The following STOX2 variants were observed in gnomAD, a reference collection of about 807,000 sequenced individuals.
STOX2 encodes the protein storkhead box 2.
Under a neutral mutation model 60.9 loss-of-function variants are expected in STOX2, and 28 were observed. That is an observed-to-expected ratio of 0.46 (90% CI 0.34 to 0.63). STOX2 has a LOEUF of 0.63. Among genes scored for constraint, STOX2 ranks in the 30% least tolerant of loss-of-function variants. STOX2 has a pLI of 0.01. For missense variants in STOX2, 1,024 were observed against 1,187.7 expected, an observed-to-expected ratio of 0.86 and a Z score of 2.03; for synonymous variants, 472 against 463.9, an observed-to-expected ratio of 1.02 and a Z score of -0.22.
Position 184,023,078 on chromosome 4 carries a change from G to C in STOX2, c.*5794G>C, listed in dbSNP as rs1057457834. ...TGCATTAGGGTAAATGAATTAAGAC[G>C]TGCAAGTGGGATTTACTGTATGTTA... On this transcript the variant is annotated 3_prime_UTR_variant, in exon 4 of 4. Transcript: ENST00000308497. The C allele has an allele frequency of 6.6e-6, 1 of 152,164 alleles. No individual in the cohort carries two copies. The highest frequency in any genetic ancestry group is 2.4e-5 in the African/African-American group (1 of 41,440). The allele number at this position is 152,164 out of a possible 1,614,324, so 9.4% of individuals were successfully genotyped here.
intron 1 of STOX2, among the ~76,000 whole-genome samples, chr4:183,946,440 C>G (rs535993723): frequency 6.6e-6 from 1 of 151,992 alleles, no homozygotes; most frequent in African/African-American, 2.4e-5. Context: ...CCCATGGATA[C>G]CAAAATCTGA....
At chr4:183,968,671 T>G (rs925500780) in intron 1 of STOX2, among the ~76,000 whole-genome samples, 2 of 151,966 alleles carry the variant, frequency 1.3e-5, no homozygotes, top group Non-Finnish European at 2.9e-5. Context: ...CCGGACCACT[T>G]TGTGGCCCAA....
chr4:183,913,641 C>T lies in STOX2; in HGVS notation c.166+6685C>T, dbSNP rs536375413. Among the ~76,000 whole-genome samples the T allele has an allele frequency of 6.4e-4, 98 of 152,122 alleles. 1 individual carries two copies. Among genetic ancestry groups the T allele is most frequent in the Non-Finnish European group, 1.3e-3 (87 of 67,992 alleles). On this transcript the variant is annotated intron_variant, in intron 1 of 3. Coordinates refer to ENST00000308497, the MANE Select transcript of STOX2 (RefSeq NM_020225.3). ...CAAAAATTAGCTGGGCATGGTGGCG[C>T]GTGCCTGTAATCCCAGCTACTCGGG... is the stretch of plus-strand genomic sequence containing the variant.
chr4:183,824,203 A>C (rs918999718), intron 1 of STOX2, among the ~76,000 whole-genome samples: 1 of 152,262 alleles, frequency 6.6e-6, no homozygotes, highest in Non-Finnish European at 1.5e-5. Flanking sequence ...TAATAAATTC[A>C]TACTGGCCAG....
At chr4:183,892,282 A>C (rs189890258) in intron 1 of STOX2, among the ~76,000 whole-genome samples, 35 of 152,136 alleles carry the variant, frequency 2.3e-4, no homozygotes, top group African/African-American at 8.2e-4. Context: ...CTGCTTCCAT[A>C]GGTGTAATTT....
At chr4:183,933,047 A>C (rs980946627) in intron 1 of STOX2, among the ~76,000 whole-genome samples, 1 of 152,222 alleles carries the variant, frequency 6.6e-6, no homozygotes, top group Non-Finnish European at 1.5e-5. Flanking sequence ...ACCATGAAAA[A>C]TATATAAATA....
chr4:184,017,401 T>A lies in STOX2; in HGVS notation c.*117T>A. On this transcript the variant is annotated 3_prime_UTR_variant, in exon 4 of 4. Coordinates refer to ENST00000308497, the MANE Select transcript of STOX2 (RefSeq NM_020225.3). ...CTCAACCACAGTTTTTGTGTTTACT[T>A]AAACTGTGCTGCTAAGTAGGGCTAG... The A allele has an allele frequency of 2.8e-6, 3 of 1,078,150 alleles. No homozygotes were observed. Among genetic ancestry groups the A allele is most frequent in the Non-Finnish European group, 3.9e-6 (3 of 766,430 alleles). 66.8% of individuals were successfully genotyped at this position (1,078,150 alleles called of 1,614,324 possible). A position where few individuals can be genotyped will look rare whatever the true frequency, so the allele number is the denominator to read the frequency against.
rs1734538108 is a variant in STOX2 at position 184,020,401 on chromosome 4, C to A, written c.*3117C>A. 6.6e-6 allele frequency: 1 copy of A among 150,976 alleles called. No individual in the cohort carries two copies. The highest frequency in any genetic ancestry group is 2.4e-5 in the African/African-American group (1 of 41,102). The allele number at this position is 150,976 out of a possible 1,614,324, so 9.4% of individuals were successfully genotyped here. A position where few individuals can be genotyped will look rare whatever the true frequency, so the allele number is the denominator to read the frequency against. On this transcript the variant is annotated 3_prime_UTR_variant, in exon 4 of 4. Transcript: ENST00000308497. Reference sequence around the variant, plus strand: ...TCCACCCATTCCTGTTAAAAGTTCTCTGGCGAAGAGCCAATGGGTGAACGT... The same window carrying A: ...TCCACCCATTCCTGTTAAAAGTTCTATGGCGAAGAGCCAATGGGTGAACGT...
chr4:183,893,648 T>TC (rs925785023), intron 1 of STOX2, among the ~76,000 whole-genome samples: 26 of 152,316 alleles, frequency 1.7e-4, no homozygotes, highest in African/African-American at 6.3e-4. Flanking sequence ...AGTGTATATT[T>TC]CACATATAAA....
At position 183,850,297 on chromosome 4, in the gene STOX2, G is replaced by C. The variant is rs539697185; in HGVS notation, c.364+52242G>C. Among the ~76,000 whole-genome samples the C allele has an allele frequency of 2.2e-3, 341 of 151,696 alleles. 2 individuals are homozygous for C. The highest frequency in any genetic ancestry group is 7.9e-3 in the African/African-American group (328 of 41,384). ...CTGCATTTTCTTAAATGCTCAAAAA[G>C]TTTATATAGATTCTTCAAGGAGAAA... On this transcript the variant is annotated intron_variant, in intron 1 of 2. Coordinates refer to the STOX2 transcript ENST00000513034.
intron 3 of STOX2, among the ~76,000 whole-genome samples, chr4:184,016,551 A>G (rs781011608): frequency 2.6e-5 from 4 of 152,244 alleles, no homozygotes; most frequent in Admixed American, 6.5e-5. Context: ...AAACGTTTAA[A>G]GTGAATTTTA....
intron 1 of STOX2, among the ~76,000 whole-genome samples, chr4:183,861,669 T>G (rs780257572): frequency 1.6e-4 from 24 of 152,142 alleles, no homozygotes; most frequent in African/African-American, 4.8e-4. Flanking sequence ...TTGTGGTGAT[T>G]ACCGGTAGGG....
intron 1 of STOX2, among the ~76,000 whole-genome samples, chr4:183,949,065 C>CT (rs1742990108): frequency 6.6e-6 from 1 of 152,084 alleles, no homozygotes; most frequent in South Asian, 2.1e-4. Flanking sequence ...ACAGTAGTGG[C>CT]ATTAATAGTT....
chr4:183,951,879 G>A (rs566631780), intron 1 of STOX2, among the ~76,000 whole-genome samples: 13 of 152,236 alleles, frequency 8.5e-5, no homozygotes, highest in Admixed American at 3.3e-4. Context: ...GGAGACAGAA[G>A]GTTGCAGTGA....
At chr4:183,967,090 C>T (rs1377667796) in intron 1 of STOX2, among the ~76,000 whole-genome samples, 2 of 152,094 alleles carry the variant, frequency 1.3e-5, no homozygotes, top group Non-Finnish European at 1.5e-5. Flanking sequence ...GGGCTGGGCA[C>T]GGTGGCTCAC....
At chr4:183,875,902 T>C (rs901445523) in intron 1 of STOX2, among the ~76,000 whole-genome samples, 4 of 152,152 alleles carry the variant, frequency 2.6e-5, no homozygotes, top group Non-Finnish European at 5.9e-5. Flanking sequence ...AAAATTTATT[T>C]GTAAAGATGG....
intron 1 of STOX2, chr4:183,798,110 G>A (rs1738670367): frequency 1.6e-6 from 2 of 1,218,746 alleles, no homozygotes; most frequent in East Asian, 3.3e-5. Context: ...TCGCGTCCGT[G>A]CCGTGCGGTC....
At chr4:183,917,858 G>A (rs1741976777) in intron 1 of STOX2, among the ~76,000 whole-genome samples, 1 of 152,254 alleles carries the variant, frequency 6.6e-6, no homozygotes, top group Non-Finnish European at 1.5e-5. Flanking sequence ...CTTGCTGGCT[G>A]TGAAATCCTA....
At chr4:183,832,934 C>A (rs903502463) in intron 1 of STOX2, among the ~76,000 whole-genome samples, 25 of 152,310 alleles carry the variant, frequency 1.6e-4, no homozygotes, top group African/African-American at 5.5e-4. Context: ...CTCTGCAGAC[C>A]AAACACTACA....
Sources: gnomAD v4.1 joint callset for allele counts (sites outside exome capture counted in the v4.1 genomes callset) on GRCh38, gnomAD v4.1.1 for gene constraint, MANE v1.5 for transcripts, NCBI Gene and HGNC (gene_info 2026-07-23, HGNC 2026-07-21) for gene names.